The following MRPL3 variants were observed in gnomAD, a reference collection of about 807,000 sequenced individuals.
The protein encoded by MRPL3 is mitochondrial ribosomal protein L3, also known as large ribosomal subunit protein uL3m.
In MRPL3, 43 loss-of-function variants were observed where a neutral mutation model predicts 44.3. That is an observed-to-expected ratio of 0.97 (90% confidence interval 0.76 to 1.25). The LOEUF (loss-of-function observed/expected upper bound fraction) is 1.25. MRPL3 is among the 50% of genes most tolerant of loss of function. The pLI is 0.00. For synonymous variants in MRPL3, 171 were observed against 152.3 expected, an observed-to-expected ratio of 1.12 and a Z score of -0.91; for missense variants, 406 against 427.6, an observed-to-expected ratio of 0.95 and a Z score of 0.45.
At chr3:131,496,912 C>T (rs1306355074) in intron 4 of MRPL3, among the ~76,000 whole-genome samples, 2 of 152,238 alleles carry the variant, frequency 1.3e-5, no homozygotes, top group Non-Finnish European at 2.9e-5. Flanking sequence ...CCAACACTGG[C>T]CCAGGCCTGC....
Position 131,462,740 on chromosome 3 carries a change from A to T in MRPL3, c.1030T>A (p.Ser344Thr), listed in dbSNP as rs1176932160. ...CAAAGATGTTAGGCAAATGTAATAGAAGGCGCACCGGGCTGACACACGTTT... is the reference window on the plus strand; with the variant it reads ...CAAAGATGTTAGGCAAATGTAATAGTAGGCGCACCGGGCTGACACACGTTT... ...DENVCQPGAP[S>T]ITFA Residue 344 changes from serine (S) to threonine (T), a missense_variant, in exon 10 of 10, where the codon TCT (serine) becomes ACT (threonine). By Grantham distance (58) the Ser-to-Thr change is moderately conservative (BLOSUM62 1). Transcript: ENST00000264995. 2 of 1,611,258 alleles carry T rather than the reference A, an allele frequency of 1.2e-6. No homozygotes were observed. The highest frequency in any genetic ancestry group is 1.7e-6 in the Non-Finnish European group (2 of 1,178,348).
At chr3:131,485,992 T>C (rs1341886497) in intron 6 of MRPL3, among the ~76,000 whole-genome samples, 1 of 152,112 alleles carries the variant, frequency 6.6e-6, no homozygotes, top group Non-Finnish European at 1.5e-5. Context: ...AGGAGAAAAC[T>C]GAGGCATCAA....
intron 9 of MRPL3, among the ~76,000 whole-genome samples, chr3:131,466,303 A>G (rs1933599408): frequency 6.6e-6 from 1 of 152,134 alleles, no homozygotes; most frequent in South Asian, 2.1e-4. Context: ...AAATCAATGA[A>G]GAGTATACTC....
At chr3:131,488,166 C>T (rs78378556) in intron 5 of MRPL3, among the ~76,000 whole-genome samples, 1,904 of 152,244 alleles carry the variant, frequency 0.013, 18 homozygotes, top group East Asian at 0.036. Context: ...GAACCCAAGT[C>T]CCTCATATGG....
rs767840200 is a variant in MRPL3, at chr3:131,469,748, G to A, written c.764C>T (p.Thr255Ile). The A allele has an allele frequency of 6.2e-7, 1 of 1,611,954 alleles. No individual in the cohort carries two copies. Among genetic ancestry groups the A allele is most frequent in the Admixed American group, 1.7e-5 (1 of 59,824 alleles). ...GTTTCCCATTTTTCCAGGCATTTTA[G>A]TTCCAGGCCAGACTCTGCCAATATC... Reference protein sequence around the residue: ...TGDIGRVWPGTKMPGKMGNIY... With the variant: ...TGDIGRVWPGIKMPGKMGNIY... Residue 255 changes from threonine to isoleucine, a missense_variant, in exon 8 of 10, where the codon ACT (threonine) becomes ATT (isoleucine). Coordinates refer to ENST00000264995, the MANE Select transcript of MRPL3 (RefSeq NM_007208.4).
chr3:131,479,194 T>G (rs1429879073), intron 6 of MRPL3: 2 of 518,972 alleles, frequency 3.9e-6, no homozygotes, highest in Non-Finnish European at 7.7e-6. Context: ...CCCCCCTGCC[T>G]GGACATGAGC....
chr3:131,494,219 C>T (rs538152853), intron 4 of MRPL3, among the ~76,000 whole-genome samples: 1 of 152,340 alleles, frequency 6.6e-6, no homozygotes, highest in Non-Finnish European at 1.5e-5. Flanking sequence ...CTATCCTTTC[C>T]TCCACAAGAG....
At chr3:131,473,226 A>G (rs977264449) in intron 6 of MRPL3, among the ~76,000 whole-genome samples, 1 of 152,152 alleles carries the variant, frequency 6.6e-6, no homozygotes, top group African/African-American at 2.4e-5. Context: ...ACACAGAACA[A>G]CGGAACAGAA....
intron 3 of MRPL3, among the ~76,000 whole-genome samples, chr3:131,498,479 G>A (rs1199565261): frequency 1.3e-5 from 2 of 150,784 alleles, no homozygotes; most frequent in Non-Finnish European, 3.0e-5. Context: ...GAGGCGGGCA[G>A]CTCATGAAGT....
chr3:131,477,990 G>A (rs1206827012), intron 6 of MRPL3, among the ~76,000 whole-genome samples: 1 of 152,066 alleles, frequency 6.6e-6, no homozygotes, highest in Admixed American at 6.6e-5. Context: ...AGAGGGGTTG[G>A]CAAACTGGCC....
At chr3:131,474,076 A>C (rs777848828) in intron 6 of MRPL3, among the ~76,000 whole-genome samples, 157 of 152,338 alleles carry the variant, frequency 1.0e-3, no homozygotes, top group Middle Eastern at 3.4e-3. Flanking sequence ...AAAGGACATG[A>C]AATCAACATG....
chr3:131,483,792 GCAGA>G (rs59216978), intron 6 of MRPL3, among the ~76,000 whole-genome samples: 3,036 of 152,232 alleles, frequency 0.02, 122 homozygotes, highest in African/African-American at 0.069. Context: ...TTCTTGAAAT[GCAGA>G]CAGTGTTTGT....
chr3:131,469,657 A>G (rs776792680), intron 8 of MRPL3, 39 bp downstream of exon 8: 22 of 1,415,468 alleles, frequency 1.6e-5, no homozygotes, highest in Non-Finnish European at 2.2e-5. Flanking sequence ...CATTTAGACA[A>G]TTTAGCTGTT....
intron 6 of MRPL3, among the ~76,000 whole-genome samples, chr3:131,486,439 GA>G (rs36174766): frequency 7.5e-6 from 1 of 133,186 alleles, no homozygotes; most frequent in Admixed American, 7.7e-5. Context: ...CAGAATGGGA[GA>G]AAAATTTTTT....
intron 6 of MRPL3, among the ~76,000 whole-genome samples, chr3:131,480,369 C>A (rs1933957281): frequency 6.6e-6 from 1 of 152,184 alleles, no homozygotes; most frequent in South Asian, 2.1e-4. Context: ...GTGTTCCATT[C>A]ACATAGAGTT....
At chr3:131,463,293 A>T (rs769225676) in intron 9 of MRPL3, among the ~76,000 whole-genome samples, 1 of 152,124 alleles carries the variant, frequency 6.6e-6, no homozygotes, top group Admixed American at 6.6e-5. Flanking sequence ...TTATTAAGGA[A>T]ATCAGCTTAC....
intron 3 of MRPL3, among the ~76,000 whole-genome samples, chr3:131,498,701 CAAAAAAAA>C (rs71133698): frequency 2.5e-5 from 2 of 81,490 alleles, no homozygotes; most frequent in African/African-American, 1.0e-4. Flanking sequence ...GACTCCGTCT[CAAAAAAAA>C]AAAAAAAAAA....
rs1384412409 is a variant in MRPL3 at position 131,502,943 on chromosome 3, C to T, written c.-122G>A. ...GTGGGGAAGTTTTCGCAATGGCCGC[C>T]GGAACGGTCGCCGGCCGATGCTCTC... On this transcript the variant is annotated 5_prime_UTR_variant, in exon 1 of 10. Transcript: ENST00000264995. The T allele has an allele frequency of 3.3e-6, 3 of 899,964 alleles. No homozygotes were observed. The highest frequency in any genetic ancestry group is 2.0e-5 in the Admixed American group (1 of 48,834). 55.7% of individuals were successfully genotyped at this position (899,964 alleles called of 1,614,324 possible). A position where few individuals can be genotyped will look rare whatever the true frequency, so the allele number is the denominator to read the frequency against.
At chr3:131,464,178 A>C (rs1375067378) in intron 9 of MRPL3, among the ~76,000 whole-genome samples, 1 of 152,138 alleles carries the variant, frequency 6.6e-6, no homozygotes, top group Non-Finnish European at 1.5e-5. Flanking sequence ...AGCAAAAAAA[A>C]CAATAAAACC....
Sources: allele counts gnomAD v4.1 joint callset (sites outside exome capture counted in the v4.1 genomes callset), GRCh38; gene constraint gnomAD v4.1.1; transcripts MANE v1.5; gene names NCBI Gene and HGNC (gene_info 2026-07-23, HGNC 2026-07-21).